Variants in HMMR observed in about 807,000 individuals in gnomAD.
The protein encoded by HMMR is hyaluronan mediated motility receptor.
Under a neutral mutation model 101.0 loss-of-function variants are expected in HMMR, and 108 were observed. The ratio of observed to expected loss-of-function variants is 1.07; its 90% confidence interval spans 0.92 to 1.25. The LOEUF (loss-of-function observed/expected upper bound fraction) is 1.25. HMMR is among the 50% of genes most tolerant of loss of function. HMMR has a pLI of 0.00. For missense variants in HMMR, 813 were observed against 788.7 expected (o/e 1.03, Z -0.37); for synonymous variants, 296 against 276.4 (o/e 1.07, Z -0.70).
At chr5:163,475,433 T>C (rs1233740915) in intron 10 of HMMR, 25 bp from the exon 11 acceptor site, 6 of 1,384,696 alleles carry the variant, frequency 4.3e-6, no homozygotes, top group African/African-American at 4.3e-5. Context: ...CCAAATTATT[T>C]TGGTGGTTTT....
At chr5:163,481,891 A>C (rs1377235933) in intron 12 of HMMR, among the ~76,000 whole-genome samples, 1 of 152,100 alleles carries the variant, frequency 6.6e-6, no homozygotes, top group Non-Finnish European at 1.5e-5. Flanking sequence ...TGAGCTACAC[A>C]TTTAATTAAA....
chr5:163,461,091 C>T (rs2113444717), intron 1 of HMMR, among the ~76,000 whole-genome samples: 1 of 152,250 alleles, frequency 6.6e-6, no homozygotes, highest in East Asian at 1.9e-4. Flanking sequence ...GATAAGAACA[C>T]TGGAGTATTA....
intron 16 of HMMR, chr5:163,489,512 T>A (rs569825931): frequency 1.3e-5 from 2 of 152,278 alleles, no homozygotes; most frequent in Non-Finnish European, 2.9e-5. Context: ...CAGTTTTCTC[T>A]CTGAGTGACA....
chr5:163,485,174 C>T (rs1561646965), intron 16 of HMMR, among the ~76,000 whole-genome samples: 1 of 152,120 alleles, frequency 6.6e-6, no homozygotes, highest in African/African-American at 2.4e-5. Context: ...GATAACTCTA[C>T]ATTTAATCAT....
At chr5:163,490,038 T>A (rs1759631280) in intron 16 of HMMR, among the ~76,000 whole-genome samples, 1 of 152,256 alleles carries the variant, frequency 6.6e-6, no homozygotes, top group South Asian at 2.1e-4. Context: ...TCAGAGGCTT[T>A]AACTGGTTAA....
chr5:163,464,901 G>T, intron 3 of HMMR, 99 bp downstream of exon 3: 1 of 714,444 alleles, frequency 1.4e-6, no homozygotes, highest in South Asian at 1.7e-5. Flanking sequence ...TATGAATCAA[G>T]GTTATAAGTA....
chr5:163,483,202 G>A, intron 14 of HMMR, 30 bp downstream of exon 14: 1 of 1,598,704 alleles, frequency 6.3e-7, no homozygotes, highest in Non-Finnish European at 8.6e-7. Context: ...TGAGTGCCTT[G>A]TTAACTCAGT....
rs377078054 is a variant in HMMR at position 163,463,076 on chromosome 5, CTA to C, written c.47-778_47-777del. 4.3e-3 allele frequency among the ~76,000 whole-genome samples: 650 copies of C among 152,258 alleles called. 3 individuals are homozygous for C. Among genetic ancestry groups the C allele is most frequent in the African/African-American group, 0.015 (614 of 41,554 alleles). ...TCCTAAAGGCCCCATCTCAGGTCTGCTATGTGTATTTACTCAGAAATGCCTTC... is the reference window on the plus strand; with the variant it reads ...TCCTAAAGGCCCCATCTCAGGTCTGCTGTGTATTTACTCAGAAATGCCTTC... On this transcript the variant is annotated intron_variant, in intron 1 of 17. Coordinates refer to ENST00000393915, the MANE Select transcript of HMMR (RefSeq NM_001142556.2).
chr5:163,487,509 T>C (rs1173497047), intron 16 of HMMR, among the ~76,000 whole-genome samples: 1 of 152,194 alleles, frequency 6.6e-6, no homozygotes, highest in African/African-American at 2.4e-5. Context: ...TAATTCTTCA[T>C]TGAATGTGTG....
At position 163,472,480 on chromosome 5, in the gene HMMR, G is replaced by T. The variant is rs146833399; in HGVS notation, c.651-699G>T. On this transcript the variant is annotated intron_variant, in intron 7 of 17. Transcript: ENST00000393915. ...GAAATTTCTAGGAGTAGAATTCTTG[G>T]GTAATAGGGTAGTGTATATATAATG... Among the ~76,000 whole-genome samples the T allele has an allele frequency of 3.5e-3, 526 of 151,918 alleles. 3 individuals carry two copies. Among genetic ancestry groups the T allele is most frequent in the African/African-American group, 0.012 (501 of 41,410 alleles).
chr5:163,476,505 C>T (rs762293717), intron 11 of HMMR, among the ~76,000 whole-genome samples: 2 of 152,182 alleles, frequency 1.3e-5, no homozygotes, highest in African/African-American at 2.4e-5. Context: ...CACAATGGCA[C>T]ATGCCTAAAG....
In HMMR at chr5:163,491,215, T is replaced by A; in HGVS notation, c.*51T>A. Reference sequence around the variant, plus strand: ...ATTTCATTCGTCTTGTTGTTATTGATGTTGCTGTTATTATATTTGACATGG... The same window carrying A: ...ATTTCATTCGTCTTGTTGTTATTGAAGTTGCTGTTATTATATTTGACATGG... On this transcript the variant is annotated 3_prime_UTR_variant, in exon 18 of 18. Coordinates refer to ENST00000393915, the MANE Select transcript of HMMR (RefSeq NM_001142556.2). 1 of 1,022,170 alleles carries A rather than the reference T, an allele frequency of 9.8e-7. No homozygotes were observed. The highest frequency in any genetic ancestry group is 1.5e-6 in the Non-Finnish European group (1 of 684,980). The allele number at this position is 1,022,170 out of a possible 1,614,324, so 63.3% of individuals were successfully genotyped here. A position where few individuals can be genotyped will look rare whatever the true frequency, so the allele number is the denominator to read the frequency against.
At chr5:163,473,922 A>G (rs1474744963) in intron 9 of HMMR, 135 bp from the exon 10 acceptor site, 1 of 703,728 alleles carries the variant, frequency 1.4e-6, no homozygotes, top group East Asian at 2.8e-5. Context: ...GTAATGATAC[A>G]AAGTTCACAG....
At chr5:163,467,427 C>A (rs573509505) in intron 3 of HMMR, among the ~76,000 whole-genome samples, 1 of 152,290 alleles carries the variant, frequency 6.6e-6, no homozygotes, top group African/African-American at 2.4e-5. Context: ...CAGTCAGTAG[C>A]TTTATTCATA....
intron 3 of HMMR, among the ~76,000 whole-genome samples, chr5:163,465,838 G>A (rs1758686986): frequency 6.6e-6 from 1 of 151,966 alleles, no homozygotes; most frequent in African/African-American, 2.4e-5. Flanking sequence ...GCACGTGCCT[G>A]TAGTCCCAGC....
intron 17 of HMMR, 72 bp downstream of exon 17, chr5:163,490,624 C>T: frequency 8.6e-7 from 1 of 1,157,402 alleles, no homozygotes; most frequent in Non-Finnish European, 1.3e-6. Context: ...AGCAAGTCAT[C>T]CATTTTATGA....
In HMMR at chr5:163,478,691, G is replaced by C. The variant is rs1328672701; in HGVS notation, c.1276G>C (p.Ala426Pro). 6.2e-7 allele frequency: 1 copy of C among 1,601,912 alleles called. No homozygotes were observed. Among genetic ancestry groups the C allele is most frequent in the South Asian group, 1.1e-5 (1 of 90,818 alleles). The change falls in exon 12 of 18, where the codon GCT becomes CCT. Residue 426 changes from alanine (A) to proline (P), a missense_variant. Ala to Pro is a conservative substitution (Grantham distance 27). Coordinates refer to ENST00000393915, the MANE Select transcript of HMMR (RefSeq NM_001142556.2). The stretch of plus-strand genomic sequence containing the variant: ...ATTATTTCTTTTTCTTAGGAAGGAG[G>C]CTGAACTGGAGAAAAGTAGTGCTGC... ...LLEEKLKGKE[A>P]ELEKSSAAHT... is the part of the protein sequence containing the mutation.
rs757652403 is a variant in HMMR at position 163,463,906 on chromosome 5, A to G, written c.97A>G (p.Lys33Glu). The change falls in exon 2 of 18, where the codon AAA becomes GAA. Residue 33 changes from lysine to glutamate, a missense_variant. Lys to Glu is a moderately conservative substitution (Grantham distance 56). Transcript: ENST00000393915. ...AYDVKTLEVL[K>E]GPVSFQKSQR... is the part of the protein sequence containing the mutation. ...TGATGTTAAAACTTTAGAAGTATTG[A>G]AAGGACCAGTATCCTTTCAGAAATC... 1 of 1,493,572 alleles carries G rather than the reference A, an allele frequency of 6.7e-7. No homozygotes were observed. 92.5% of individuals were successfully genotyped at this position (1,493,572 alleles called of 1,614,324 possible).
intron 7 of HMMR, among the ~76,000 whole-genome samples, chr5:163,471,840 A>G (rs1758900339): frequency 6.6e-6 from 1 of 152,144 alleles, no homozygotes; most frequent in Non-Finnish European, 1.5e-5. Flanking sequence ...TGTGGATAGT[A>G]AGTATTCAGT....
Sources: gnomAD v4.1 joint callset for allele counts (sites outside exome capture counted in the v4.1 genomes callset) on GRCh38, gnomAD v4.1.1 for gene constraint, MANE v1.5 for transcripts, NCBI Gene and HGNC (gene_info 2026-07-23, HGNC 2026-07-21) for gene names.